Variants in KIF26B observed in about 807,000 individuals in gnomAD.
The protein encoded by KIF26B is kinesin family member 26B.
KIF26B carries 63 observed loss-of-function variants against 151.2 expected under a neutral mutation model. That is an observed-to-expected ratio of 0.42 (90% CI 0.34 to 0.51). The LOEUF (loss-of-function observed/expected upper bound fraction) is 0.51. KIF26B is among the 20% of genes least tolerant of loss of function. KIF26B has a pLI of 0.07. For synonymous variants in KIF26B, 1,357 were observed against 1,262.1 expected (o/e 1.08, Z -1.59); for missense variants, 2,813 against 2,913.6 (o/e 0.97, Z 0.79).
At chr1:245,527,523 G>GTTTTTTTTTTT (rs1219756621) in intron 4 of KIF26B, among the ~76,000 whole-genome samples, 9 of 40,512 alleles carry the variant, frequency 2.2e-4, no homozygotes, top group Non-Finnish European at 3.9e-4. Context: ...CTTTGGGATG[G>GTTTTTTTTTTT]CTTTTTTTTT....
At chr1:245,413,849 G>A (rs1674351598) in intron 3 of KIF26B, among the ~76,000 whole-genome samples, 1 of 152,180 alleles carries the variant, frequency 6.6e-6, no homozygotes, top group African/African-American at 2.4e-5. Context: ...CTGACATGCT[G>A]CACAGAAGCC....
chr1:245,300,511 A>T (rs1671411547), intron 2 of KIF26B, among the ~76,000 whole-genome samples: 2 of 151,870 alleles, frequency 1.3e-5, no homozygotes, highest in African/African-American at 4.8e-5. Flanking sequence ...AGAGGCACAA[A>T]TGAATTATTT....
chr1:245,589,284 G>A (rs1356780917), intron 5 of KIF26B, among the ~76,000 whole-genome samples: 1 of 152,160 alleles, frequency 6.6e-6, no homozygotes, highest in African/African-American at 2.4e-5. Flanking sequence ...TTTAGAAAGG[G>A]CTTCCCACCT....
rs1056861170 is a variant in KIF26B, at chr1:245,516,665, G to T, written c.1167-24102G>T. 5.3e-5 allele frequency among the ~76,000 whole-genome samples: 8 copies of T among 152,256 alleles called. No homozygotes were observed. In the South Asian group the frequency reaches 6.2e-4, roughly 12 times the overall value. The stretch of plus-strand genomic sequence containing the variant: ...TGGGGTGAAGTAATGAGCCCGCAAG[G>T]CCTGTCTGTGCCTATTGGCTGCTCT... On this transcript the variant is annotated intron_variant, in intron 4 of 14. Coordinates refer to ENST00000407071, the MANE Select transcript of KIF26B (RefSeq NM_018012.4). This position sits in a 1 kb window ranked among gnomAD's most constrained non-coding sequence, Gnocchi z 4.2.
chr1:245,521,294 A>AAG (rs879824992), intron 4 of KIF26B, among the ~76,000 whole-genome samples: 1 of 151,004 alleles, frequency 6.6e-6, no homozygotes, highest in Non-Finnish European at 1.5e-5. Context: ...CCGAGATCGC[A>AAG]CCACTGCACT....
In KIF26B at chr1:245,503,160, T is replaced by C. The variant is rs545602741; in HGVS notation, c.1167-37607T>C. Among the ~76,000 whole-genome samples, 47 of 152,288 alleles carry C rather than the reference T, an allele frequency of 3.1e-4. 2 individuals carry two copies. Among genetic ancestry groups the C allele is most frequent in the Admixed American group, 2.4e-3 (36 of 15,282 alleles). ...CAGCGTGAGCCACCGCACCCGGCCA[T>C]GGTGAACTCTTTTTAAATGACACAT... On this transcript the variant is annotated intron_variant, in intron 4 of 14. Coordinates refer to ENST00000407071, the MANE Select transcript of KIF26B (RefSeq NM_018012.4).
intron 2 of KIF26B, among the ~76,000 whole-genome samples, chr1:245,348,741 A>G (rs369422728): frequency 2.0e-5 from 3 of 152,060 alleles, no homozygotes; most frequent in Non-Finnish European, 2.9e-5. Context: ...CTCATGTCCA[A>G]CCATCTCCCC....
intron 2 of KIF26B, among the ~76,000 whole-genome samples, chr1:245,270,127 T>TC (rs71563741): frequency 0.42 from 58,091 of 139,126 alleles, 12,536 homozygotes; most frequent in East Asian, 0.61. Flanking sequence ...TCTTTTTTCT[T>TC]CTTCCTTCTT....
Position 245,540,638 on chromosome 1 carries a change from T to A in KIF26B, c.1167-129T>A. On this transcript the variant is annotated intron_variant, in intron 4 of 14. Coordinates refer to ENST00000407071, the MANE Select transcript of KIF26B (RefSeq NM_018012.4). This position sits in a 1 kb window ranked among gnomAD's most constrained non-coding sequence, Gnocchi z 4.6. ...AGTAAGGGACTGCTACAGAGGACAC[T>A]GAGCAGGAGGAGAGAAGGAATGATT... The A allele has an allele frequency of 1.2e-6, 1 of 846,024 alleles. No individual in the cohort carries two copies. 52.4% of individuals were successfully genotyped at this position (846,024 alleles called of 1,614,324 possible).
chr1:245,402,249 G>A (rs950962532), intron 3 of KIF26B, among the ~76,000 whole-genome samples: 1 of 152,216 alleles, frequency 6.6e-6, no homozygotes, highest in Non-Finnish European at 1.5e-5. Flanking sequence ...GAGAAAAAAG[G>A]TTCAAGTGGC....
At chr1:245,397,369 C>G (rs2103025382) in intron 3 of KIF26B, among the ~76,000 whole-genome samples, 1 of 152,254 alleles carries the variant, frequency 6.6e-6, no homozygotes, top group South Asian at 2.1e-4. Flanking sequence ...GCATGCACCA[C>G]CACACCCAGC....
chr1:245,210,709 C>A (rs770670751), intron 2 of KIF26B, among the ~76,000 whole-genome samples: 1 of 152,104 alleles, frequency 6.6e-6, no homozygotes, highest in East Asian at 1.9e-4. Context: ...GCCAGGGAGT[C>A]CCAGAGCCTG....
intron 2 of KIF26B, among the ~76,000 whole-genome samples, chr1:245,285,707 C>T (rs1419962487): frequency 6.7e-6 from 1 of 149,710 alleles, no homozygotes; most frequent in Admixed American, 6.7e-5. Flanking sequence ...CTCTGGGAGG[C>T]CGAGGAGGGA....
intron 2 of KIF26B, among the ~76,000 whole-genome samples, chr1:245,331,756 A>C (rs796567918): frequency 2.0e-5 from 3 of 152,352 alleles, no homozygotes; most frequent in African/African-American, 7.2e-5. Context: ...CAATGTACAA[A>C]ATGTGATAGC....
intron 3 of KIF26B, among the ~76,000 whole-genome samples, chr1:245,412,339 G>A (rs1278005718): frequency 1.3e-5 from 2 of 152,168 alleles, no homozygotes; most frequent in Admixed American, 1.3e-4. Context: ...TTTGAGGAGG[G>A]GGAGCCTGTC....
At chr1:245,520,451 A>T (rs1464353431) in intron 4 of KIF26B, among the ~76,000 whole-genome samples, 2 of 152,230 alleles carry the variant, frequency 1.3e-5, no homozygotes, top group African/African-American at 2.4e-5. Flanking sequence ...CATACCAAGA[A>T]ATATTTTACG....
intron 5 of KIF26B, among the ~76,000 whole-genome samples, chr1:245,585,014 A>G (rs184019422): frequency 5.9e-5 from 9 of 152,294 alleles, no homozygotes; most frequent in African/African-American, 1.7e-4. Context: ...TTAATTTGCA[A>G]TAGATTTTGA....
chr1:245,580,288 C>T (rs557236298), intron 5 of KIF26B, among the ~76,000 whole-genome samples: 51 of 152,320 alleles, frequency 3.3e-4, no homozygotes, highest in African/African-American at 1.2e-3. Flanking sequence ...TCTCTTCTGT[C>T]CTCCCTCTCC....
At chr1:245,300,533 T>A (rs1002075650) in intron 2 of KIF26B, among the ~76,000 whole-genome samples, 5 of 150,278 alleles carry the variant, frequency 3.3e-5, no homozygotes, top group African/African-American at 1.2e-4. Context: ...TTTTCTTTTT[T>A]CTTTTTTTTT....
Sources: allele counts gnomAD v4.1 joint callset (sites outside exome capture counted in the v4.1 genomes callset), GRCh38; gene constraint gnomAD v4.1.1; non-coding constraint Gnocchi (gnomAD v3.1); transcripts MANE v1.5; gene names NCBI Gene and HGNC (gene_info 2026-07-23, HGNC 2026-07-21).